ANK3: variants seen among roughly 807,000 people sequenced by gnomAD.
The protein encoded by ANK3 is ankyrin 3.
Under a neutral mutation model 370.9 loss-of-function variants are expected in ANK3, and 57 were observed. The observed-to-expected ratio is 0.15, with a 90% CI of 0.12 to 0.19. The LOEUF is 0.19. ANK3 is among the 10% of genes least tolerant of loss of function. The pLI, the probability that ANK3 is intolerant of heterozygous loss-of-function variation, is 1.00. For missense variants in ANK3, 4,439 were observed against 5,302.1 expected (o/e 0.84, Z 5.06); for synonymous variants, 1,929 against 1,946.3 (o/e 0.99, Z 0.23).
rs150185883 is a variant in ANK3, at chr10:60,694,225, G to T, written c.57+39038C>A. 8.1e-3 allele frequency among the ~76,000 whole-genome samples: 1,236 copies of T among 152,280 alleles called. 11 individuals carry two copies. The highest frequency in any genetic ancestry group is 0.014 in the Non-Finnish European group (958 of 68,016). On this transcript the variant is annotated intron_variant, in intron 1 of 43. Transcript: ENST00000373827. ...AAAACAATAAAAAGAAACGAGCGAA[G>T]CCTCCAAGAAATATGGGACTATGTG...
chr10:60,129,480 G>C (rs927543687), intron 25 of ANK3, among the ~76,000 whole-genome samples: 2 of 152,168 alleles, frequency 1.3e-5, no homozygotes. Flanking sequence ...GGCCGGGCAT[G>C]GTGGCTCACA....
chr10:60,317,534 T>C (rs2047699440), intron 1 of ANK3, among the ~76,000 whole-genome samples: 1 of 152,100 alleles, frequency 6.6e-6, no homozygotes, highest in Non-Finnish European at 1.5e-5. Flanking sequence ...CTTACTTTTG[T>C]ATGTATCTAT....
chr10:60,364,747 T>C (rs1218561358), intron 1 of ANK3, among the ~76,000 whole-genome samples: 1 of 152,108 alleles, frequency 6.6e-6, no homozygotes. Flanking sequence ...TAGAGCCTAC[T>C]AGTAAACTGT....
chr10:60,663,846 T>C (rs61611964), intron 1 of ANK3, among the ~76,000 whole-genome samples: 7,932 of 152,320 alleles, frequency 0.052, 280 homozygotes, highest in African/African-American at 0.086. Context: ...CAAATCGTAT[T>C]TTATTTATTC....
chr10:60,563,762 A>G (rs1434308692), intron 2 of ANK3, among the ~76,000 whole-genome samples: 2 of 152,170 alleles, frequency 1.3e-5, no homozygotes, highest in Non-Finnish European at 2.9e-5. Flanking sequence ...CTCAGAGTCT[A>G]TGCCCCAAGG....
At chr10:60,525,011 A>C (rs1246188458) in intron 2 of ANK3, among the ~76,000 whole-genome samples, 1 of 152,154 alleles carries the variant, frequency 6.6e-6, no homozygotes, top group Non-Finnish European at 1.5e-5. Flanking sequence ...TGATATCAAA[A>C]CAAATTATTT....
At chr10:60,484,359 TG>T (rs942065097) in intron 2 of ANK3, among the ~76,000 whole-genome samples, 3 of 152,092 alleles carry the variant, frequency 2.0e-5, no homozygotes, top group Non-Finnish European at 2.9e-5. Flanking sequence ...CTCTTCCAAT[TG>T]GGGAAATTTG....
intron 1 of ANK3, among the ~76,000 whole-genome samples, chr10:60,666,785 G>A (rs949154592): frequency 6.6e-6 from 1 of 152,124 alleles, no homozygotes; most frequent in Non-Finnish European, 1.5e-5. Context: ...AAGGAAAAAG[G>A]TGGCATTTCC....
intron 21 of ANK3, among the ~76,000 whole-genome samples, chr10:60,170,023 C>T (rs182014939): frequency 4.2e-4 from 64 of 152,298 alleles, no homozygotes; most frequent in Non-Finnish European, 7.6e-4. Flanking sequence ...CTCCAAGGAG[C>T]ACTGTTTGCT....
intron 1 of ANK3, among the ~76,000 whole-genome samples, chr10:60,639,187 G>A (rs1399443800): frequency 6.6e-6 from 1 of 151,760 alleles, no homozygotes; most frequent in East Asian, 1.9e-4. Flanking sequence ...GAAGATGTCA[G>A]AAACCAAGCA....
intron 2 of ANK3, among the ~76,000 whole-genome samples, chr10:60,514,410 G>A (rs1230947813): frequency 1.3e-5 from 2 of 152,080 alleles, no homozygotes; most frequent in Non-Finnish European, 2.9e-5. Flanking sequence ...CAATCAGAAT[G>A]GCCCAGGTGA....
chr10:60,680,156 G>A (rs1196088860), intron 1 of ANK3, among the ~76,000 whole-genome samples: 2 of 145,640 alleles, frequency 1.4e-5, no homozygotes, highest in Non-Finnish European at 1.5e-5. Flanking sequence ...AAAAAGGAAA[G>A]AAAGAAAGAA....
At chr10:60,090,330 A>G (rs1479786557) in intron 28 of ANK3, among the ~76,000 whole-genome samples, 2 of 152,134 alleles carry the variant, frequency 1.3e-5, no homozygotes, top group African/African-American at 4.8e-5. Flanking sequence ...AAAAAAAATT[A>G]AAATCTTACC....
chr10:60,391,024 C>A (rs540656041), upstream of ANK3, among the ~76,000 whole-genome samples: 174 of 152,288 alleles, frequency 1.1e-3, no homozygotes, highest in Non-Finnish European at 2.2e-3. Context: ...TTCCTGCAAA[C>A]AACTTTTACT....
intron 18 of ANK3, among the ~76,000 whole-genome samples, chr10:60,177,593 C>CTTTTTTTTTTTTTTTTTTTTTT (rs771714886): frequency 4.7e-5 from 5 of 106,252 alleles, no homozygotes; most frequent in Non-Finnish European, 7.2e-5. Context: ...GTCTTCAAAT[C>CTTTTTTTTTTTTTTTTTTTTTT]TTTTTTTTTT....
intron 7 of ANK3, among the ~76,000 whole-genome samples, chr10:60,254,532 C>T (rs1343361517): frequency 6.6e-6 from 1 of 152,202 alleles, no homozygotes; most frequent in Non-Finnish European, 1.5e-5. Flanking sequence ...GCTTAAAACA[C>T]TCTTAATTTT....
intron 2 of ANK3, among the ~76,000 whole-genome samples, chr10:60,439,506 C>CAA (rs112702811): frequency 4.0e-5 from 6 of 149,648 alleles, no homozygotes; most frequent in African/African-American, 1.5e-4. Context: ...ATGAAAACAA[C>CAA]AAAAAAAAAT....
intron 9 of ANK3, among the ~76,000 whole-genome samples, chr10:60,212,130 A>G (rs994829639): frequency 5.3e-5 from 8 of 152,164 alleles, no homozygotes; most frequent in African/African-American, 1.9e-4. Flanking sequence ...TTTCTCAGAA[A>G]AAATCCAAAG....
intron 2 of ANK3, among the ~76,000 whole-genome samples, chr10:60,591,108 G>T (rs2077903838): frequency 6.6e-6 from 1 of 152,032 alleles, no homozygotes; most frequent in Non-Finnish European, 1.5e-5. Flanking sequence ...GATGACTGGG[G>T]TTGGCGTCCA....
Sources: allele counts gnomAD v4.1 joint callset (sites outside exome capture counted in the v4.1 genomes callset), GRCh38; gene constraint gnomAD v4.1.1; transcripts MANE v1.5; gene names NCBI Gene and HGNC (gene_info 2026-07-23, HGNC 2026-07-21).